DMXL1: variants seen among roughly 807,000 people sequenced by gnomAD.
DMXL1 encodes the protein Dmx like 1, also known as dmX-like protein 1.
Under a neutral mutation model 319.2 loss-of-function variants are expected in DMXL1, and 99 were observed. The observed-to-expected ratio is 0.31, with a 90% CI of 0.26 to 0.37. The LOEUF (loss-of-function observed/expected upper bound fraction) is 0.37. DMXL1 is among the 10% of genes least tolerant of loss of function. The probability of loss-of-function intolerance (pLI) is 1.00; values close to 1 mark genes in which losing one functional copy is unlikely to be tolerated. For missense variants in DMXL1, 3,745 were observed against 3,595.6 expected (o/e 1.04, Z -1.06); for synonymous variants, 1,385 against 1,235.2 (o/e 1.12, Z -2.54).
intron 26 of DMXL1, among the ~76,000 whole-genome samples, chr5:119,176,378 T>C (rs907990208): frequency 2.6e-5 from 4 of 152,084 alleles, no homozygotes; most frequent in African/African-American, 9.7e-5. Context: ...TGGGTAGCCT[T>C]ACTTACCACT....
chr5:119,193,130 G>A (rs1778984466), intron 29 of DMXL1, among the ~76,000 whole-genome samples: 2 of 152,078 alleles, frequency 1.3e-5, no homozygotes, highest in Non-Finnish European at 2.9e-5. Context: ...AGTGATCGTA[G>A]TGATATACTT....
intron 38 of DMXL1, among the ~76,000 whole-genome samples, chr5:119,228,290 A>G (rs984400215): frequency 2.0e-5 from 3 of 152,232 alleles, no homozygotes; most frequent in African/African-American, 7.2e-5. Context: ...AGTTACTTGC[A>G]GACACTTTCA....
chr5:119,165,001 T>C (rs918492079), intron 20 of DMXL1, among the ~76,000 whole-genome samples, 182 bp from the exon 21 acceptor site: 5 of 152,110 alleles, frequency 3.3e-5, no homozygotes, highest in African/African-American at 1.2e-4. Context: ...TCTGTATCCA[T>C]TGAAGCCACC....
At chr5:119,077,717 A>T (rs1485060809) in intron 1 of DMXL1, among the ~76,000 whole-genome samples, 1 of 130,966 alleles carries the variant, frequency 7.6e-6, no homozygotes, top group Non-Finnish European at 1.6e-5. Context: ...TACACTTAAA[A>T]ATATATGTAT....
At chr5:119,162,264 G>A (rs181414189) in intron 19 of DMXL1, among the ~76,000 whole-genome samples, 12 of 152,288 alleles carry the variant, frequency 7.9e-5, no homozygotes, top group Admixed American at 3.3e-4. Context: ...CCCAAGTTTG[G>A]GGGTAAAATG....
Position 119,232,646 on chromosome 5 carries a change from G to A in DMXL1, c.8339-694G>A, listed in dbSNP as rs549405312. Among the ~76,000 whole-genome samples, 65 of 152,024 alleles carry A rather than the reference G, an allele frequency of 4.3e-4. 1 individual carries two copies. Among genetic ancestry groups the A allele is most frequent in the African/African-American group, 1.5e-3 (64 of 41,508 alleles). On this transcript the variant is annotated intron_variant, in intron 38 of 43. Transcript: ENST00000539542. Reference sequence around the variant, plus strand: ...TAACACAAATAATAAATGGCAAAGCGAAGAATCAATAGTCATTTATCTTAT... The same window carrying A: ...TAACACAAATAATAAATGGCAAAGCAAAGAATCAATAGTCATTTATCTTAT...
At chr5:119,100,167 A>C (rs924418587) in intron 2 of DMXL1, among the ~76,000 whole-genome samples, 2 of 152,164 alleles carry the variant, frequency 1.3e-5, no homozygotes, top group Admixed American at 1.3e-4. Flanking sequence ...GACTGTTTAC[A>C]TTTAAGAAGG....
chr5:119,225,550 T>C (rs1785386180), intron 38 of DMXL1, among the ~76,000 whole-genome samples: 1 of 152,076 alleles, frequency 6.6e-6, no homozygotes, highest in Admixed American at 6.6e-5. Flanking sequence ...GTCCCCCAGT[T>C]TAATAGCCTA....
chr5:119,099,025 C>T (rs1756623301), intron 2 of DMXL1, among the ~76,000 whole-genome samples: 1 of 152,176 alleles, frequency 6.6e-6, no homozygotes, highest in African/African-American at 2.4e-5. Context: ...TGAATCTTTA[C>T]ATATTTGTTG....
At chr5:119,216,413 G>A (rs1283210486) in intron 34 of DMXL1, among the ~76,000 whole-genome samples, 1 of 152,132 alleles carries the variant, frequency 6.6e-6, no homozygotes, top group Non-Finnish European at 1.5e-5. Flanking sequence ...ACAGCCATCT[G>A]GCCAAATCTC....
intron 37 of DMXL1, among the ~76,000 whole-genome samples, chr5:119,223,302 C>T (rs1404843793): frequency 6.6e-6 from 1 of 152,086 alleles, no homozygotes; most frequent in Admixed American, 6.6e-5. Context: ...AGTGATGCAC[C>T]CAGCTTGGCC....
chr5:119,204,558 GTTTT>G (rs746507917), intron 33 of DMXL1, among the ~76,000 whole-genome samples: 1 of 137,606 alleles, frequency 7.3e-6, no homozygotes, highest in Non-Finnish European at 1.6e-5. Flanking sequence ...ATCATAATGG[GTTTT>G]TTTTTTTTTT....
chr5:119,080,157 GCCAACATGATGAAA>G (rs1301464873), intron 1 of DMXL1, among the ~76,000 whole-genome samples: 1 of 152,134 alleles, frequency 6.6e-6, no homozygotes, highest in East Asian at 1.9e-4. Flanking sequence ...GGCCAGCCTG[GCCAACATGATGAAA>G]CCTGTTTCTA....
At chr5:119,196,899 A>T (rs961382276) in intron 31 of DMXL1, among the ~76,000 whole-genome samples, 1 of 152,240 alleles carries the variant, frequency 6.6e-6, no homozygotes, top group Admixed American at 6.5e-5. Context: ...ATACCAATTT[A>T]ACCAAAGATT....
intron 1 of DMXL1, among the ~76,000 whole-genome samples, chr5:119,079,409 A>G (rs980867460): frequency 6.6e-6 from 1 of 152,168 alleles, no homozygotes; most frequent in Non-Finnish European, 1.5e-5. Context: ...CCCTAAAGTT[A>G]TCTCTACTTT....
intron 42 of DMXL1, among the ~76,000 whole-genome samples, chr5:119,242,814 T>G (rs1018751059): frequency 1.3e-5 from 2 of 152,216 alleles, no homozygotes; most frequent in Non-Finnish European, 2.9e-5. Flanking sequence ...TATAGTAGAC[T>G]TATGTTTAAT....
chr5:119,176,914 C>A (rs1057319969), intron 26 of DMXL1, among the ~76,000 whole-genome samples: 4 of 152,030 alleles, frequency 2.6e-5, no homozygotes, highest in African/African-American at 9.7e-5. Context: ...AGTATGATAA[C>A]ATTATTTGTG....
intron 34 of DMXL1, among the ~76,000 whole-genome samples, chr5:119,214,595 C>A (rs534271573): frequency 6.6e-6 from 1 of 152,164 alleles, no homozygotes; most frequent in African/African-American, 2.4e-5. Context: ...TAATTTAAGA[C>A]TTCTGAGATA....
intron 26 of DMXL1, 52 bp downstream of exon 26, chr5:119,175,389 T>C: frequency 7.6e-7 from 1 of 1,323,200 alleles, no homozygotes; most frequent in South Asian, 1.2e-5. Flanking sequence ...CAATGAGGTT[T>C]CATATTTTGT....
Sources: allele counts gnomAD v4.1 joint callset (sites outside exome capture counted in the v4.1 genomes callset), GRCh38; gene constraint gnomAD v4.1.1; transcripts MANE v1.5; gene names NCBI Gene and HGNC (gene_info 2026-07-23, HGNC 2026-07-21).